INPP4B: variants seen among roughly 807,000 people sequenced by gnomAD.
The protein encoded by INPP4B is inositol polyphosphate 4-phosphatase type II.
Under a neutral mutation model 122.5 loss-of-function variants are expected in INPP4B, and 55 were observed. The ratio of observed to expected loss-of-function variants is 0.45; its 90% confidence interval spans 0.36 to 0.56. The LOEUF is 0.56. Among genes scored for constraint, INPP4B ranks in the 20% least tolerant of loss-of-function variants. The pLI is 0.00. For missense variants in INPP4B, 1,000 were observed against 1,097.7 expected, an observed-to-expected ratio of 0.91 and a Z score of 1.26; for synonymous variants, 403 against 388.7, an observed-to-expected ratio of 1.04 and a Z score of -0.43.
intron 2 of INPP4B, among the ~76,000 whole-genome samples, chr4:142,665,789 T>C (rs566175693): frequency 6.6e-6 from 1 of 152,278 alleles, no homozygotes; most frequent in Non-Finnish European, 1.5e-5. Flanking sequence ...TTTTGCTTGA[T>C]AAATCAATAT....
chr4:142,027,946 C>T lies in INPP4B; in HGVS notation c.*836G>A, dbSNP rs1021968181. Reference sequence around the variant, plus strand: ...AAACATCTCAGAGATACCTCACTGACATTCATGAACTTCACAACATAAAGT... The same window carrying T: ...AAACATCTCAGAGATACCTCACTGATATTCATGAACTTCACAACATAAAGT... On this transcript the variant is annotated 3_prime_UTR_variant, in exon 26 of 26. Transcript: ENST00000262992. The T allele has an allele frequency of 1.1e-5, 2 of 186,666 alleles. No homozygotes were observed. The highest frequency in any genetic ancestry group is 2.3e-5 in the Non-Finnish European group (2 of 88,388). The allele number at this position is 186,666 out of a possible 1,614,324, so 11.6% of individuals were successfully genotyped here.
chr4:142,310,835 A>C (rs1765263472), intron 8 of INPP4B, among the ~76,000 whole-genome samples: 2 of 152,298 alleles, frequency 1.3e-5, no homozygotes, highest in South Asian at 4.1e-4. Flanking sequence ...AATAGCCCAA[A>C]GGAAACATTA....
chr4:142,487,219 A>G (rs28822497), intron 2 of INPP4B, among the ~76,000 whole-genome samples: 42,818 of 151,948 alleles, frequency 0.28, 6,650 homozygotes, highest in East Asian at 0.51. Context: ...ATGATTGTGA[A>G]GCCTCCCCAG....
intron 25 of INPP4B, among the ~76,000 whole-genome samples, chr4:142,057,656 G>A (rs1347117364): frequency 6.6e-6 from 1 of 152,042 alleles, no homozygotes; most frequent in Non-Finnish European, 1.5e-5. Flanking sequence ...AACAATGAAG[G>A]CACAAAATCC....
rs1346723157 is a variant in INPP4B, at chr4:142,237,859, C to A, written c.836+5G>T. The A allele has an allele frequency of 3.3e-6, 5 of 1,509,048 alleles. No homozygotes were observed. The South Asian group carries it at 6.4e-5, about 19-fold the overall frequency. The allele number at this position is 1,509,048 out of a possible 1,614,324, so 93.5% of individuals were successfully genotyped here. On this transcript the variant is annotated splice_donor_5th_base_variant and intron_variant, in intron 12 of 25. Coordinates refer to ENST00000262992, the MANE Select transcript of INPP4B (RefSeq NM_001101669.3). ...ATATGAGAGAAAATAGTTATTTTCT[C>A]TTACCTGCACAAATCTTCTTTAATG...
intron 3 of INPP4B, among the ~76,000 whole-genome samples, chr4:142,438,532 A>G (rs1191906954): frequency 6.6e-6 from 1 of 152,154 alleles, no homozygotes; most frequent in African/African-American, 2.4e-5. Flanking sequence ...CCTTCCTTAC[A>G]CCTTGTACAA....
At chr4:142,643,518 T>C (rs1751011993) in intron 2 of INPP4B, among the ~76,000 whole-genome samples, 1 of 152,178 alleles carries the variant, frequency 6.6e-6, no homozygotes, top group African/African-American at 2.4e-5. Context: ...CTGATGATGG[T>C]TGCAGGGGTG....
At chr4:142,410,856 T>C (rs2149242170) in intron 5 of INPP4B, among the ~76,000 whole-genome samples, 1 of 152,364 alleles carries the variant, frequency 6.6e-6, no homozygotes, top group South Asian at 2.1e-4. Context: ...AAATGGATTT[T>C]ATCTATCCTA....
chr4:142,757,532 A>G (rs1770677414), intron 1 of INPP4B, among the ~76,000 whole-genome samples: 1 of 152,142 alleles, frequency 6.6e-6, no homozygotes, highest in Admixed American at 6.6e-5. Flanking sequence ...GGAATCATAC[A>G]GCATATAACC....
At chr4:142,657,417 C>A (rs1754360354) in intron 2 of INPP4B, among the ~76,000 whole-genome samples, 1 of 152,088 alleles carries the variant, frequency 6.6e-6, no homozygotes, top group African/African-American at 2.4e-5. Flanking sequence ...CTAATCACAC[C>A]CTTAACTAAG....
intron 2 of INPP4B, among the ~76,000 whole-genome samples, chr4:142,647,120 C>A (rs1210003344): frequency 6.6e-6 from 1 of 151,872 alleles, no homozygotes; most frequent in East Asian, 1.9e-4. Flanking sequence ...AAATTAAGAG[C>A]ATAAATAAAG....
chr4:142,488,452 G>A (rs962287149), intron 2 of INPP4B, among the ~76,000 whole-genome samples: 2 of 152,000 alleles, frequency 1.3e-5, no homozygotes, highest in African/African-American at 4.8e-5. Flanking sequence ...ATATAAGATT[G>A]TAATTTTTTC....
At chr4:142,710,084 C>T (rs1268977284) in intron 2 of INPP4B, among the ~76,000 whole-genome samples, 1 of 152,188 alleles carries the variant, frequency 6.6e-6, no homozygotes, top group Non-Finnish European at 1.5e-5. Context: ...GAAAGCTCTC[C>T]AGCATAGTTA....
chr4:142,526,042 T>A (rs1027293339), intron 2 of INPP4B, among the ~76,000 whole-genome samples: 6 of 152,090 alleles, frequency 3.9e-5, no homozygotes, highest in Non-Finnish European at 8.8e-5. Flanking sequence ...TAACATTAAA[T>A]ACCATGTGCA....
At chr4:142,306,375 A>T (rs1763379666) in intron 8 of INPP4B, among the ~76,000 whole-genome samples, 1 of 152,126 alleles carries the variant, frequency 6.6e-6, no homozygotes, top group Non-Finnish European at 1.5e-5. Context: ...TCAAGGAGTA[A>T]ATATGAAAAT....
At chr4:142,360,943 G>A (rs947226408) in intron 7 of INPP4B, among the ~76,000 whole-genome samples, 2 of 151,838 alleles carry the variant, frequency 1.3e-5, no homozygotes, top group Non-Finnish European at 2.9e-5. Context: ...CTATATACAT[G>A]TTATTTTGTA....
At chr4:142,546,180 A>G (rs1027976418) in intron 2 of INPP4B, among the ~76,000 whole-genome samples, 1 of 152,006 alleles carries the variant, frequency 6.6e-6, no homozygotes, top group African/African-American at 2.4e-5. Flanking sequence ...AAATGAGAAC[A>G]TGTAGTATTT....
chr4:142,398,402 ATATATATATATAT>A (rs1202350394), intron 7 of INPP4B, among the ~76,000 whole-genome samples: 80 of 6,364 alleles, frequency 0.013, 1 homozygote, highest in African/African-American at 0.018. Context: ...AAAAAAAAAA[ATATATATATATAT>A]ATATATATAT....
In INPP4B at chr4:142,658,869, C is replaced by T. The variant is rs111617059; in HGVS notation, c.-191+66970G>A. Among the ~76,000 whole-genome samples, 263 of 152,154 alleles carry T rather than the reference C, an allele frequency of 1.7e-3. 2 individuals carry two copies. Among genetic ancestry groups the T allele is most frequent in the African/African-American group, 5.9e-3 (246 of 41,500 alleles). On this transcript the variant is annotated intron_variant, in intron 2 of 25. Coordinates refer to ENST00000262992, the MANE Select transcript of INPP4B (RefSeq NM_001101669.3). Reference sequence around the variant, plus strand: ...TTCTAGGAGGTCCAAGTTTATCGACCTTAAGAGGACAGAAGCACCCAACTC... The same window carrying T: ...TTCTAGGAGGTCCAAGTTTATCGACTTTAAGAGGACAGAAGCACCCAACTC...
Sources: gnomAD v4.1 joint callset for allele counts (sites outside exome capture counted in the v4.1 genomes callset) on GRCh38, gnomAD v4.1.1 for gene constraint, MANE v1.5 for transcripts, NCBI Gene and HGNC (gene_info 2026-07-23, HGNC 2026-07-21) for gene names.